Variants in PITPNM2 observed in about 807,000 individuals in gnomAD.
The protein encoded by PITPNM2 is membrane-associated phosphatidylinositol transfer protein 2.
A neutral mutation model predicts 132.2 loss-of-function variants in PITPNM2; 35 were observed. The ratio of observed to expected loss-of-function variants is 0.26; its 90% CI spans 0.20 to 0.35. The LOEUF (loss-of-function observed/expected upper bound fraction) is 0.35, where lower values mean the gene tolerates loss of function less well. PITPNM2 is among the 10% of genes least tolerant of loss of function. The pLI is 1.00. For synonymous variants in PITPNM2, 738 were observed against 799.2 expected (o/e 0.92, Z 1.29); for missense variants, 1,332 against 1,912.0 (o/e 0.70, Z 5.66).
rs910036183 is a variant in PITPNM2, at chr12:123,117,030, C to T, written c.-199-6542G>A. Among the ~76,000 whole-genome samples, 4 of 152,324 alleles carry T rather than the reference C, an allele frequency of 2.6e-5. No homozygotes were observed. Among genetic ancestry groups the T allele is most frequent in the East Asian group, 1.9e-4 (1 of 5,186 alleles). ...GGCATTTTGCATCACTATGTTTGGA[C>T]GTACTCTGTTAAGCAGCAATAGGTA... On this transcript the variant is annotated intron_variant, in intron 1 of 25. Coordinates refer to ENST00000320201, the MANE Select transcript of PITPNM2 (RefSeq NM_020845.3). This position sits in a 1 kb window ranked among gnomAD's most constrained non-coding sequence, Gnocchi z 4.7.
chr12:123,046,386 T>A lies in PITPNM2; in HGVS notation c.-95-11701A>T, dbSNP rs147851865. Among the ~76,000 whole-genome samples the A allele has an allele frequency of 5.9e-4, 90 of 152,340 alleles. 2 individuals carry two copies. The East Asian group carries it at 0.017, about 28-fold the overall frequency. On this transcript the variant is annotated intron_variant, in intron 2 of 25. Coordinates refer to ENST00000320201, the MANE Select transcript of PITPNM2 (RefSeq NM_020845.3). ...GCCCTATTAATACATTGTAAGTGAC[T>A]TAATCCTCACAACTCCCCCGAGTTA...
rs955924630 is a variant in PITPNM2, at chr12:122,992,270, T to C, written c.2404+229A>G. Among the ~76,000 whole-genome samples the C allele has an allele frequency of 9.9e-5, 15 of 152,234 alleles. No individual in the cohort carries two copies. The highest frequency in any genetic ancestry group is 1.9e-4 in the Non-Finnish European group (13 of 68,000). On this transcript the variant is annotated intron_variant, in intron 16 of 25. Coordinates refer to ENST00000320201, the MANE Select transcript of PITPNM2 (RefSeq NM_020845.3). The surrounding 1 kb of genome is among the most constrained non-coding windows in gnomAD (Gnocchi z 6.5). ...GGGACCCTGGAACAAGGCCCTGACC[T>C]GTGTCCTCTGAAAGGTGGGAACTAT...
At chr12:123,094,162 G>C (rs1290708307) in intron 2 of PITPNM2, among the ~76,000 whole-genome samples, 1 of 152,278 alleles carries the variant, frequency 6.6e-6, no homozygotes, top group Non-Finnish European at 1.5e-5. Flanking sequence ...TTGGCCAACA[G>C]AGCCAGGTGA....
rs1207473624 is a variant in PITPNM2 at position 123,064,844 on chromosome 12, A to T, written c.-95-30159T>A. On this transcript the variant is annotated intron_variant, in intron 2 of 25. Transcript: ENST00000320201. This position sits in a 1 kb window ranked among gnomAD's most constrained non-coding sequence, Gnocchi z 4.0. ...CTGGGGCCAGACCACGTTCACATTC[A>T]AGCCTTGTCTTTGAGCAAGTCCTTT... 6.6e-6 allele frequency among the ~76,000 whole-genome samples: 1 copy of T among 152,224 alleles called. No homozygotes were observed. The highest frequency in any genetic ancestry group is 1.9e-4 in the East Asian group (1 of 5,188).
chr12:122,996,599 G>A, intron 12 of PITPNM2, 22 bp from the exon 13 acceptor site: 1 of 1,612,754 alleles, frequency 6.2e-7, no homozygotes, highest in Non-Finnish European at 8.5e-7. Context: ...GGGGCCAGAG[G>A]CCTGAGCCAT....
intron 1 of PITPNM2, among the ~76,000 whole-genome samples, 176 bp from the exon 2 acceptor site, chr12:123,110,664 A>G (rs1285071736): frequency 6.6e-6 from 1 of 152,200 alleles, no homozygotes; most frequent in Non-Finnish European, 1.5e-5. Context: ...TCAGGAAGCA[A>G]GTGTCTAACT....
intron 1 of PITPNM2, among the ~76,000 whole-genome samples, chr12:123,128,964 G>A (rs993935288): frequency 2.0e-5 from 3 of 151,948 alleles, no homozygotes; most frequent in East Asian, 1.9e-4. Flanking sequence ...GCGAAATCCC[G>A]TCTTTACTAA....
intron 4 of PITPNM2, 143 bp downstream of exon 4, chr12:123,013,685 G>T: frequency 3.1e-6 from 3 of 979,940 alleles, no homozygotes; most frequent in Non-Finnish European, 4.5e-6. Context: ...CACCTGTATG[G>T]AACAAAGCCT....
chr12:123,092,665 C>G (rs971649446), intron 2 of PITPNM2: 7 of 152,260 alleles, frequency 4.6e-5, no homozygotes, highest in African/African-American at 1.7e-4. Flanking sequence ...GCGGCCTCCT[C>G]TAGCAGAGCC....
chr12:123,030,441 C>T (rs962227833), intron 3 of PITPNM2, among the ~76,000 whole-genome samples: 8 of 152,162 alleles, frequency 5.3e-5, no homozygotes, highest in African/African-American at 1.9e-4. Context: ...CGCCTGTAAT[C>T]CCAGCACTTT....
At chr12:123,088,125 C>T (rs2042164841) in intron 2 of PITPNM2, 1 of 152,254 alleles carries the variant, frequency 6.6e-6, no homozygotes, top group Non-Finnish European at 1.5e-5. Flanking sequence ...TCATTTCCTA[C>T]CACGTTTCTT....
chr12:122,994,062 C>T lies in PITPNM2; in HGVS notation c.2233+739G>A, dbSNP rs538173873. On this transcript the variant is annotated intron_variant, in intron 15 of 25. Coordinates refer to ENST00000320201, the MANE Select transcript of PITPNM2 (RefSeq NM_020845.3). The surrounding 1 kb of genome is among the most constrained non-coding windows in gnomAD (Gnocchi z 5.4). ...GCTAATTTTGTAATTTTAGTAGAGA[C>T]GGGGTTTCTCCATGTTGGTCAGGCT... 2.0e-5 allele frequency among the ~76,000 whole-genome samples: 3 copies of T among 152,082 alleles called. No individual in the cohort carries two copies. The highest frequency in any genetic ancestry group is 4.1e-4 in the South Asian group (2 of 4,834).
chr12:123,027,116 C>G (rs1403381828), intron 3 of PITPNM2, among the ~76,000 whole-genome samples: 1 of 151,942 alleles, frequency 6.6e-6, no homozygotes, highest in Non-Finnish European at 1.5e-5. Context: ...ACACTGATGG[C>G]CCCCCACCTG....
chr12:123,053,726 C>A (rs2040935349), intron 2 of PITPNM2, among the ~76,000 whole-genome samples: 1 of 152,074 alleles, frequency 6.6e-6, no homozygotes, highest in Non-Finnish European at 1.5e-5. Context: ...TGCCACCACG[C>A]CCGGCTAATT....
At chr12:123,136,125 ACCCTGTC>A (rs2043376211) in intron 1 of PITPNM2, among the ~76,000 whole-genome samples, 1 of 151,894 alleles carries the variant, frequency 6.6e-6, no homozygotes, top group African/African-American at 2.4e-5. Context: ...ACTTGGTGAA[ACCCTGTC>A]TCTACTAAAA....
upstream of PITPNM2, among the ~76,000 whole-genome samples, chr12:123,151,159 A>AGCGGCGGCG (rs1048978238): frequency 1.4e-5 from 2 of 143,388 alleles, no homozygotes; most frequent in African/African-American, 2.5e-5. Context: ...CGCGCGGGGG[A>AGCGGCGGCG]GCGGCGGCGG....
chr12:123,009,989 C>G lies in PITPNM2; in HGVS notation c.504G>C (p.Gln168His). ...TCCAGTTCTCGGACAGGGGCCCCCGCTGGGTCTTGGTTGACTGGAACAGCT... is the reference window on the plus strand; with the variant it reads ...TCCAGTTCTCGGACAGGGGCCCCCGGTGGGTCTTGGTTGACTGGAACAGCT... Reference protein sequence around the residue: ...DPKLFQSTKTQRGPLSENWIE... With the variant: ...DPKLFQSTKTHRGPLSENWIE... Residue 168 changes from glutamine (Q) to histidine (H), a missense_variant, in exon 6 of 26, where the codon CAG (glutamine) becomes CAC (histidine). Physicochemically the swap from Gln to His is conservative, Grantham distance 24 (BLOSUM62 0). Coordinates refer to ENST00000320201, the MANE Select transcript of PITPNM2 (RefSeq NM_020845.3). The surrounding 1 kb of genome is among the most constrained non-coding windows in gnomAD (Gnocchi z 4.8). 2 of 1,614,198 alleles carry G rather than the reference C, an allele frequency of 1.2e-6. No homozygotes were observed. The highest frequency in any genetic ancestry group is 1.7e-6 in the Non-Finnish European group (2 of 1,180,044).
At position 122,989,889 on chromosome 12, in the gene PITPNM2, G is replaced by A; in HGVS notation, c.2629C>T (p.Pro877Ser). The change falls in exon 18 of 26, where the codon CCC (proline) becomes TCC (serine). Residue 877 changes from proline to serine, a missense_variant. Physicochemically the swap from Pro to Ser is moderately conservative, Grantham distance 74. Coordinates refer to ENST00000320201, the MANE Select transcript of PITPNM2 (RefSeq NM_020845.3). Reference protein sequence around the residue: ...SVRRLSLLALPAPSPTTPGPH... With the variant: ...SVRRLSLLALSAPSPTTPGPH... ...CCAGGGGTGGTGGGGCTGGGGGCGG[G>A]CAGGGCGAGCAGGGACAGACGCCTG... The A allele has an allele frequency of 7.5e-7, 1 of 1,325,940 alleles. No homozygotes were observed. The highest frequency in any genetic ancestry group is 2.2e-5 in the South Asian group (1 of 46,268). The allele number at this position is 1,325,940 out of a possible 1,614,324, so 82.1% of individuals were successfully genotyped here. A position where few individuals can be genotyped will look rare whatever the true frequency, so the allele number is the denominator to read the frequency against.
Position 122,988,862 on chromosome 12 carries a change from CT to C in PITPNM2, c.2741del (p.Lys914SerfsTer45). The C allele has an allele frequency of 6.4e-7, 1 of 1,565,666 alleles. No individual in the cohort carries two copies. Among genetic ancestry groups the C allele is most frequent in the Non-Finnish European group, 8.7e-7 (1 of 1,154,602 alleles). On this transcript the variant is annotated frameshift_variant, in exon 19 of 26. Coordinates refer to ENST00000320201, the MANE Select transcript of PITPNM2 (RefSeq NM_020845.3). LOFTEE classifies it high-confidence loss of function. ...AGTCGATCCGCTTCTGGCCCCACCACTTTGCAGCGACTGCCAGGAGGGGCCG... is the reference window on the plus strand; with the variant it reads ...AGTCGATCCGCTTCTGGCCCCACCACTTGCAGCGACTGCCAGGAGGGGCCG... ...PELDIGEVAA[K>X]WWGQKRIDYA...
Sources: gnomAD v4.1 joint callset for allele counts (sites outside exome capture counted in the v4.1 genomes callset) on GRCh38, gnomAD v4.1.1 for gene constraint, Gnocchi (gnomAD v3.1) non-coding constraint, MANE v1.5 for transcripts, NCBI Gene and HGNC (gene_info 2026-07-23, HGNC 2026-07-21) for gene names.